Variants in ACTR3C observed in about 807,000 individuals in gnomAD.
ACTR3C encodes actin-related protein 3C.
In ACTR3C, 18 loss-of-function variants were observed where a neutral mutation model predicts 26.3. That is an observed-to-expected ratio of 0.68 (90% CI 0.47 to 1.01). ACTR3C has a LOEUF of 1.01. Ranked by LOEUF, ACTR3C falls within the 50% of genes least tolerant of loss-of-function variation. The pLI, the probability that ACTR3C is intolerant of heterozygous loss-of-function variation, is 0.00. For synonymous variants in ACTR3C, 55 were observed against 94.5 expected (o/e 0.58, Z 2.42); for missense variants, 184 against 250.7 (o/e 0.73, Z 1.80).
the ACTR3C span, among the ~76,000 whole-genome samples, chr7:150,110,753 C>T: frequency 1.3e-5 from 1 of 78,632 alleles, no homozygotes; most frequent in East Asian, 3.7e-4. Context: ...CAGCAGGGGG[C>T]GGGGCTTGCT....
chr7:150,035,089 C>T, the ACTR3C span, among the ~76,000 whole-genome samples: 1,852 of 139,752 alleles, frequency 0.013, 120 homozygotes, highest in South Asian at 0.029. Context: ...GAACTTTCTA[C>T]TTGGACACCT....
At chr7:149,941,002 C>A in the ACTR3C span, among the ~76,000 whole-genome samples, 2 of 152,012 alleles carry the variant, frequency 1.3e-5, no homozygotes, top group African/African-American at 4.8e-5. Flanking sequence ...TCTAAGACAA[C>A]CATTGGGAGT....
At chr7:149,974,446 T>C in the ACTR3C span, among the ~76,000 whole-genome samples, 4 of 152,278 alleles carry the variant, frequency 2.6e-5, no homozygotes, top group Admixed American at 1.3e-4. Context: ...GGCCACTTCT[T>C]CTTTCCTTGA....
chr7:150,237,043 C>T, the ACTR3C span, among the ~76,000 whole-genome samples: 4 of 151,724 alleles, frequency 2.6e-5, no homozygotes, highest in Non-Finnish European at 5.9e-5. Flanking sequence ...AAAAAGTCAA[C>T]AGCCAGGGGT....
intron 4 of ACTR3C, among the ~76,000 whole-genome samples, chr7:150,287,332 GTCAGGTGGGAGGACTGAAGCCGC>G (rs1835866981): frequency 6.6e-6 from 1 of 151,780 alleles, no homozygotes; most frequent in Non-Finnish European, 1.5e-5. Flanking sequence ...GAAAAGCAGA[GTCAGGTGGGAGGACTGAAGCCGC>G]CAGGATGCTG....
the ACTR3C span, among the ~76,000 whole-genome samples, chr7:150,238,092 A>G: frequency 6.7e-6 from 1 of 150,260 alleles, no homozygotes; most frequent in Non-Finnish European, 1.5e-5. Flanking sequence ...GAATCAAGGC[A>G]TATTATGAGA....
chr7:150,260,120 T>C (rs2129609957), intron 6 of ACTR3C, among the ~76,000 whole-genome samples: 1 of 152,368 alleles, frequency 6.6e-6, no homozygotes, highest in Non-Finnish European at 1.5e-5. Flanking sequence ...TAACTGTTTT[T>C]GTACTGCCCT....
the ACTR3C span, among the ~76,000 whole-genome samples, chr7:149,935,575 T>C: frequency 6.8e-6 from 1 of 147,452 alleles, no homozygotes; most frequent in Non-Finnish European, 1.5e-5. Flanking sequence ...CTAATTTTTG[T>C]ATTTTTAGTA....
the ACTR3C span, among the ~76,000 whole-genome samples, chr7:150,006,442 C>A: frequency 6.7e-6 from 1 of 148,374 alleles, no homozygotes. Flanking sequence ...TGTGATCCGC[C>A]CGCCTCGGCC....
At chr7:150,168,303 A>G in the ACTR3C span, among the ~76,000 whole-genome samples, 1 of 150,634 alleles carries the variant, frequency 6.6e-6, no homozygotes, top group East Asian at 1.9e-4. Flanking sequence ...TTAGATTCTC[A>G]TAGGAGCTGG....
the ACTR3C span, among the ~76,000 whole-genome samples, chr7:149,964,951 C>T: frequency 6.6e-6 from 1 of 151,958 alleles, no homozygotes; most frequent in Admixed American, 6.6e-5. Flanking sequence ...GCAAAACTTG[C>T]CAAATTTGTC....
chr7:150,251,130 G>C (rs537034864), intron 6 of ACTR3C, among the ~76,000 whole-genome samples: 11 of 152,278 alleles, frequency 7.2e-5, no homozygotes, highest in African/African-American at 2.6e-4. Context: ...ACAGTGACAC[G>C]TGTGACCTGT....
chr7:149,935,775 T>C, the ACTR3C span, among the ~76,000 whole-genome samples: 1 of 151,804 alleles, frequency 6.6e-6, no homozygotes, highest in Admixed American at 6.6e-5. Context: ...TTATCTGCTG[T>C]TGTTTTTATG....
At chr7:149,960,876 G>A in the ACTR3C span, among the ~76,000 whole-genome samples, 2 of 152,248 alleles carry the variant, frequency 1.3e-5, no homozygotes, top group African/African-American at 4.8e-5. Flanking sequence ...AGGTGAGAAT[G>A]CACACAGCAA....
chr7:150,314,861 C>T (rs902027817), intron 1 of ACTR3C, among the ~76,000 whole-genome samples: 6 of 149,678 alleles, frequency 4.0e-5, no homozygotes, highest in South Asian at 2.1e-4. Context: ...CGGAGGCGAG[C>T]GGCTCACTTG....
chr7:150,113,660 G>A, the ACTR3C span, among the ~76,000 whole-genome samples: 10 of 152,312 alleles, frequency 6.6e-5, no homozygotes, highest in South Asian at 4.1e-4. Context: ...CAAGGGTGAT[G>A]CCATAAAACT....
the ACTR3C span, among the ~76,000 whole-genome samples, chr7:150,035,786 G>A: frequency 7.5e-6 from 1 of 133,808 alleles, no homozygotes. Context: ...GGGTTCCTAA[G>A]AGCCAGTGGG....
At chr7:150,240,987 T>C (rs1015847889), downstream of ACTR3C, among the ~76,000 whole-genome samples, 4 of 152,172 alleles carry the variant, frequency 2.6e-5, no homozygotes, top group African/African-American at 9.7e-5. Context: ...GTAATAAATT[T>C]AGTAAAAGTT....
chr7:150,258,132 G>A (rs1204449271), intron 6 of ACTR3C, among the ~76,000 whole-genome samples: 2 of 151,928 alleles, frequency 1.3e-5, no homozygotes, highest in Non-Finnish European at 2.9e-5. Flanking sequence ...AAGTTAGAAC[G>A]GAGTATCAGA....
Sources: gnomAD v4.1 joint callset for allele counts (sites outside exome capture counted in the v4.1 genomes callset) on GRCh38, gnomAD v4.1.1 for gene constraint, MANE v1.5 for transcripts, NCBI Gene and HGNC (gene_info 2026-07-23, HGNC 2026-07-21) for gene names.